Variants in CCDC57 observed in about 807,000 individuals in gnomAD.
CCDC57 encodes coiled-coil domain-containing protein 57.
In CCDC57, 118 loss-of-function variants were observed where a neutral mutation model predicts 118.9. That is an observed-to-expected ratio of 0.99 (90% CI 0.86 to 1.16). The LOEUF (loss-of-function observed/expected upper bound fraction) is 1.16. Among genes scored for constraint, CCDC57 ranks in the 50% most tolerant of loss-of-function variants. The pLI is 0.00. For missense variants in CCDC57, 1,300 were observed against 1,320.7 expected (o/e 0.98, Z 0.24); for synonymous variants, 527 against 532.9 (o/e 0.99, Z 0.15).
chr17:82,126,885 A>C (rs2037509985), intron 19 of CCDC57: 2 of 985,302 alleles, frequency 2.0e-6, no homozygotes, highest in Non-Finnish European at 1.2e-6. Flanking sequence ...CGGAAGACAG[A>C]AGCTGTAAGG....
intron 9 of CCDC57, among the ~76,000 whole-genome samples, chr17:82,183,354 G>C (rs977920447): frequency 3.3e-5 from 5 of 151,920 alleles, no homozygotes; most frequent in Non-Finnish European, 7.4e-5. Flanking sequence ...CTTTGTTTTT[G>C]TTTTCCTTTT....
chr17:82,210,398 G>A (rs932236855), intron 1 of CCDC57, among the ~76,000 whole-genome samples: 6 of 152,004 alleles, frequency 3.9e-5, no homozygotes, highest in African/African-American at 2.4e-5. Context: ...CTTGCTGGGC[G>A]TTGTGGCTCA....
At chr17:82,195,237 C>G in intron 5 of CCDC57, 26 bp downstream of exon 4, 1 of 1,542,326 alleles carries the variant, frequency 6.5e-7, no homozygotes, top group Non-Finnish European at 8.8e-7. Flanking sequence ...GAAAAACCTT[C>G]ACGACCCAAG....
intron 13 of CCDC57, among the ~76,000 whole-genome samples, chr17:82,165,573 C>T (rs1008971214): frequency 2.6e-5 from 4 of 152,080 alleles, no homozygotes; most frequent in African/African-American, 9.7e-5. Flanking sequence ...CTTGGGACCA[C>T]ACCTGCCCTC....
At chr17:82,191,470 C>A (rs1238660857) in intron 7 of CCDC57, among the ~76,000 whole-genome samples, 1 of 152,116 alleles carries the variant, frequency 6.6e-6, no homozygotes, top group Non-Finnish European at 1.5e-5. Context: ...GTAAAAAAGT[C>A]AAATGGAATT....
chr17:82,191,982 T>C (rs1195228691), intron 7 of CCDC57, among the ~76,000 whole-genome samples: 1 of 141,302 alleles, frequency 7.1e-6, no homozygotes, highest in Non-Finnish European at 1.5e-5. Flanking sequence ...TCTACTTTTT[T>C]ATGACTTTTT....
At chr17:82,109,451 C>T (rs2035093586) in intron 19 of CCDC57, among the ~76,000 whole-genome samples, 2 of 152,168 alleles carry the variant, frequency 1.3e-5, no homozygotes, top group South Asian at 4.1e-4. Context: ...GAAAATGAAA[C>T]AAATGGAAAA....
At chr17:82,153,486 G>A (rs1279001445) in intron 15 of CCDC57, 1 of 152,236 alleles carries the variant, frequency 6.6e-6, no homozygotes, top group African/African-American at 2.4e-5. Flanking sequence ...CCTTCTTGCT[G>A]TTGACCCCAC....
At chr17:82,198,447 A>G (rs1490984293) in intron 3 of CCDC57, 25 bp from the exon 3 acceptor site, 14 of 1,437,168 alleles carry the variant, frequency 9.7e-6, no homozygotes, top group Non-Finnish European at 1.4e-5. Context: ...CAGCATTAAG[A>G]AAAGCCATAC....
rs1292221823 is a variant in CCDC57 at position 82,178,332 on chromosome 17, AC to A, written c.1506+141del. 2.8e-5 allele frequency: 27 copies of A among 975,372 alleles called. No homozygotes were observed. The African/African-American group carries it at 3.3e-4, about 12-fold the overall frequency. The allele number at this position is 975,372 out of a possible 1,614,324, so 60.4% of individuals were successfully genotyped here. A position where few individuals can be genotyped will look rare whatever the true frequency, so the allele number is the denominator to read the frequency against. Reference sequence around the variant, plus strand: ...CTTAACTCTCTAAAGCTTCTGACTCACCCTTGTTTGTGCAACAGGTCATTTA... The same window carrying A: ...CTTAACTCTCTAAAGCTTCTGACTCACCTTGTTTGTGCAACAGGTCATTTA... On this transcript the variant is annotated intron_variant, in intron 11 of 19. Transcript: ENST00000665763.
chr17:82,114,812 C>T (rs1395289565), intron 19 of CCDC57, among the ~76,000 whole-genome samples: 1 of 152,224 alleles, frequency 6.6e-6, no homozygotes, highest in Non-Finnish European at 1.5e-5. Flanking sequence ...CATGATTTGG[C>T]CCATACTTTG....
chr17:82,180,880 A>G (rs2046124781), intron 9 of CCDC57, among the ~76,000 whole-genome samples: 1 of 152,202 alleles, frequency 6.6e-6, no homozygotes, highest in Admixed American at 6.5e-5. Flanking sequence ...CAACTGGGAC[A>G]CTGGGCAGTA....
chr17:82,203,731 T>C (rs2049264436), intron 2 of CCDC57, among the ~76,000 whole-genome samples: 1 of 152,160 alleles, frequency 6.6e-6, no homozygotes, highest in Non-Finnish European at 1.5e-5. Flanking sequence ...CCACAACTCT[T>C]CTCTGGTGTC....
At chr17:82,151,615 T>C (rs1398142581) in exon 16 of CCDC57, 3 of 1,550,420 alleles carry the variant, frequency 1.9e-6, no homozygotes, top group South Asian at 2.4e-5. Flanking sequence ...TGAGCTGCTC[T>C]TTCTCCAGGC....
In CCDC57 at chr17:82,162,161, G is replaced by A. The variant is rs148566139; in HGVS notation, c.2040+1039C>T. On this transcript the variant is annotated intron_variant, in intron 14 of 19. Transcript: ENST00000665763. ...ACTATGGGTACCCGCCACCACTCCC[G>A]GCTAATTTTTTGTATTTTATAGAGA... Among the ~76,000 whole-genome samples, 1,425 of 151,970 alleles carry A rather than the reference G, an allele frequency of 9.4e-3. 18 individuals are homozygous for A. The highest frequency in any genetic ancestry group is 0.032 in the African/African-American group (1,312 of 41,426).
intron 11 of CCDC57, among the ~76,000 whole-genome samples, chr17:82,177,048 C>T (rs2045608544): frequency 6.6e-6 from 1 of 151,912 alleles, no homozygotes; most frequent in Admixed American, 6.6e-5. Context: ...GAGTTCAAGA[C>T]CAGCCTGACC....
At chr17:82,104,798 CAA>C (rs1807067580) in intron 19 of CCDC57, 8 of 152,320 alleles carry the variant, frequency 5.3e-5, no homozygotes, top group Admixed American at 5.2e-4. Flanking sequence ...CTCGGCCTCC[CAA>C]AGTGCTGGGA....
chr17:82,204,434 A>G (rs2049361310), intron 2 of CCDC57, among the ~76,000 whole-genome samples: 1 of 152,130 alleles, frequency 6.6e-6, no homozygotes, highest in African/African-American at 2.4e-5. Flanking sequence ...AGAGACCTCA[A>G]CTGGCCTCTG....
At chr17:82,133,916 A>C (rs916388610) in intron 17 of CCDC57, among the ~76,000 whole-genome samples, 157 bp downstream of exon 16, 4 of 152,210 alleles carry the variant, frequency 2.6e-5, no homozygotes, top group African/African-American at 9.7e-5. Flanking sequence ...AAAACCCAGC[A>C]GAAAACACAT....
Sources: gnomAD v4.1 joint callset for allele counts (sites outside exome capture counted in the v4.1 genomes callset) on GRCh38, gnomAD v4.1.1 for gene constraint, MANE v1.5 for transcripts, NCBI Gene and HGNC (gene_info 2026-07-23, HGNC 2026-07-21) for gene names.